CPNE4: variants seen among roughly 807,000 people sequenced by gnomAD.
The protein encoded by CPNE4 is copine-4.
In CPNE4, 25 loss-of-function variants were observed where a neutral mutation model predicts 67.9. That is an observed-to-expected ratio of 0.37 (90% CI 0.27 to 0.51). CPNE4 has a LOEUF of 0.51. CPNE4 is among the 20% of genes least tolerant of loss of function. The probability of loss-of-function intolerance (pLI) is 0.93; values close to 1 mark genes in which losing one functional copy is unlikely to be tolerated. For missense variants in CPNE4, 464 were observed against 690.8 expected, an observed-to-expected ratio of 0.67 and a Z score of 3.68; for synonymous variants, 242 against 244.9, an observed-to-expected ratio of 0.99 and a Z score of 0.11.
intron 2 of CPNE4, among the ~76,000 whole-genome samples, chr3:131,791,931 T>C (rs1191148478): frequency 6.6e-6 from 1 of 152,194 alleles, no homozygotes; most frequent in African/African-American, 2.4e-5. Flanking sequence ...TTAAGGCTGC[T>C]AGAAGACCTC....
chr3:131,771,724 CACAA>C (rs1245345224), intron 2 of CPNE4, among the ~76,000 whole-genome samples: 2 of 152,080 alleles, frequency 1.3e-5, no homozygotes, highest in African/African-American at 2.4e-5. Flanking sequence ...TATAGCAACA[CACAA>C]ACAGATTAAG....
chr3:131,534,506 C>T lies in CPNE4; in HGVS notation c.*689G>A, dbSNP rs1935032539. 1 of 152,170 alleles carries T rather than the reference C, an allele frequency of 6.6e-6. No individual in the cohort carries two copies. Among genetic ancestry groups the T allele is most frequent in the South Asian group, 2.1e-4 (1 of 4,836 alleles). The allele number at this position is 152,170 out of a possible 1,614,324, so 9.4% of individuals were successfully genotyped here. A position where few individuals can be genotyped will look rare whatever the true frequency, so the allele number is the denominator to read the frequency against. On this transcript the variant is annotated 3_prime_UTR_variant, in exon 16 of 16. Coordinates refer to ENST00000429747, the MANE Select transcript of CPNE4 (RefSeq NM_130808.3). Reference sequence around the variant, plus strand: ...TAGTTAAAGATGCAGAATCTTGGGTCCCACACAGACCTATGTATCACAATC... The same window carrying T: ...TAGTTAAAGATGCAGAATCTTGGGTTCCACACAGACCTATGTATCACAATC...
chr3:131,890,257 G>A (rs1470408391), intron 2 of CPNE4, among the ~76,000 whole-genome samples: 1 of 151,898 alleles, frequency 6.6e-6, no homozygotes, highest in African/African-American at 2.4e-5. Context: ...CAAATAACCT[G>A]ATTTTTTAAA....
intron 7 of CPNE4, among the ~76,000 whole-genome samples, chr3:131,610,498 A>C (rs1939774091): frequency 6.6e-6 from 1 of 152,148 alleles, no homozygotes. Flanking sequence ...AGTGTGCAGT[A>C]CTGGAAGTGC....
chr3:131,566,845 A>T (rs1032159812), intron 10 of CPNE4, among the ~76,000 whole-genome samples: 1 of 151,950 alleles, frequency 6.6e-6, no homozygotes, highest in Non-Finnish European at 1.5e-5. Flanking sequence ...TTTCTCTTCC[A>T]CTGAGGAAAG....
intron 2 of CPNE4, among the ~76,000 whole-genome samples, chr3:131,817,787 C>G (rs931003800): frequency 2.0e-5 from 3 of 152,188 alleles, no homozygotes; most frequent in Non-Finnish European, 4.4e-5. Context: ...GACGTATTCT[C>G]TTGAATGACT....
chr3:132,037,444 T>G (rs921169105), upstream of CPNE4: 1 of 792,092 alleles, frequency 1.3e-6, no homozygotes, highest in East Asian at 2.7e-5. Context: ...AATGAAGATT[T>G]GTAACCAGCT....
At position 132,034,571 on chromosome 3, in the gene CPNE4, G is replaced by A; in HGVS notation, c.-6C>T. 3.0e-6 allele frequency: 3 copies of A among 984,684 alleles called. No individual in the cohort carries two copies. The highest frequency in any genetic ancestry group is 3.6e-6 in the Non-Finnish European group (3 of 829,266). The allele number at this position is 984,684 out of a possible 1,614,324, so 61.0% of individuals were successfully genotyped here. ...GAAGAGTTGGCATTTACTTACCTGG[G>A]TGTGCCAATCTCGAAGAGTGGAGAG... On this transcript the variant is annotated 5_prime_UTR_variant, in exon 1 of 16. Coordinates refer to ENST00000429747, the MANE Select transcript of CPNE4 (RefSeq NM_130808.3).
chr3:131,747,907 C>T lies in CPNE4; in HGVS notation c.181-24282G>A, dbSNP rs147834172. On this transcript the variant is annotated intron_variant, in intron 2 of 15. Coordinates refer to ENST00000429747, the MANE Select transcript of CPNE4 (RefSeq NM_130808.3). ...CAATATTGAAAAAGAGTAGTGACAG[C>T]AGATACCCTGCTTTGTTGCCTATTT... Among the ~76,000 whole-genome samples, 500 of 152,202 alleles carry T rather than the reference C, an allele frequency of 3.3e-3. 2 individuals are homozygous for T. Among genetic ancestry groups the T allele is most frequent in the African/African-American group, 0.012 (482 of 41,518 alleles).
rs184742748 is a variant in CPNE4 at position 131,976,627 on chromosome 3, A to T, written c.-2+57940T>A. On this transcript the variant is annotated intron_variant, in intron 1 of 15. Transcript: ENST00000429747. ...GCTCAGGGGGAGAAATCATAAAAAA[A>T]GATCAAGGAAATTACTTCTGAGTTA... is the stretch of plus-strand genomic sequence containing the variant. Among the ~76,000 whole-genome samples, 11 of 152,252 alleles carry T rather than the reference A, an allele frequency of 7.2e-5. No individual in the cohort carries two copies. The East Asian group carries it at 1.5e-3, about 21-fold the overall frequency.
At chr3:131,621,720 A>T (rs1402206628) in intron 7 of CPNE4, among the ~76,000 whole-genome samples, 5 of 152,104 alleles carry the variant, frequency 3.3e-5, no homozygotes, top group African/African-American at 9.7e-5. Flanking sequence ...ATTAAATGGA[A>T]TGTAGGCCAG....
At chr3:131,696,518 T>C in intron 5 of CPNE4, 24 bp downstream of exon 5, 1 of 1,605,702 alleles carries the variant, frequency 6.2e-7, no homozygotes, top group Non-Finnish European at 8.5e-7. Context: ...CTTCCTTCAA[T>C]AAGGTTAATG....
chr3:131,907,565 C>T (rs1052080970), intron 1 of CPNE4, among the ~76,000 whole-genome samples: 5 of 151,994 alleles, frequency 3.3e-5, no homozygotes, highest in African/African-American at 1.2e-4. Context: ...CATGCTTATT[C>T]ATTTATGTAT....
At chr3:131,648,729 C>CT (rs762105171) in intron 7 of CPNE4, among the ~76,000 whole-genome samples, 63 of 152,230 alleles carry the variant, frequency 4.1e-4, no homozygotes, top group Non-Finnish European at 7.8e-4. Flanking sequence ...AGTAGACAAT[C>CT]TAAGATTTGT....
At chr3:131,784,398 T>C (rs772180028) in intron 2 of CPNE4, among the ~76,000 whole-genome samples, 1 of 152,104 alleles carries the variant, frequency 6.6e-6, no homozygotes, top group Non-Finnish European at 1.5e-5. Flanking sequence ...AACCCACCTC[T>C]GATTTCTGCC....
chr3:131,902,076 T>A (rs2088575164), intron 2 of CPNE4, among the ~76,000 whole-genome samples: 2 of 19,284 alleles, frequency 1.0e-4, no homozygotes, highest in South Asian at 1.9e-3. Flanking sequence ...CACTTTGGTT[T>A]TATTATTATT....
rs1254448993 is a variant in CPNE4, at chr3:131,723,546, T to C, written c.260A>G (p.Glu87Gly). Residue 87 changes from glutamate to glycine, a missense_variant, in exon 3 of 16, where the codon GAG becomes GGG. This residue lies in a region of CPNE4 where 170 missense variants were observed against 203.3 expected (regional missense o/e 0.84). Coordinates refer to ENST00000429747, the MANE Select transcript of CPNE4 (RefSeq NM_130808.3). ...KLFTVDFYFE[E>G]VQRLRFEVHD... ...GACTTCAAACCGCAGGCGCTGCACC[T>C]CCTCAAAGTAAAAGTCCACAGTAAA... 2 of 1,613,966 alleles carry C rather than the reference T, an allele frequency of 1.2e-6. No individual in the cohort carries two copies. The highest frequency in any genetic ancestry group is 2.7e-5 in the African/African-American group (2 of 74,920).
intron 1 of CPNE4, among the ~76,000 whole-genome samples, chr3:132,005,685 C>A (rs2073581290): frequency 1.3e-5 from 2 of 151,822 alleles, no homozygotes; most frequent in African/African-American, 4.8e-5. Flanking sequence ...CCCACATATA[C>A]CCAAATCCAC....
At chr3:131,548,291 T>A (rs77154179) in intron 14 of CPNE4, among the ~76,000 whole-genome samples, 4,923 of 152,222 alleles carry the variant, frequency 0.032, 75 homozygotes, top group Middle Eastern at 0.058. Flanking sequence ...GTTCTTTAAG[T>A]AGTATTTATT....
Sources: gnomAD v4.1 joint callset for allele counts (sites outside exome capture counted in the v4.1 genomes callset) on GRCh38, gnomAD v4.1.1 for gene constraint, gnomAD v4.1.1 regional missense constraint, MANE v1.5 for transcripts, NCBI Gene and HGNC (gene_info 2026-07-23, HGNC 2026-07-21) for gene names.